Variants in FHOD3 observed in about 807,000 individuals in gnomAD.
The protein encoded by FHOD3 is FH1/FH2 domain-containing protein 3.
In FHOD3, 90 loss-of-function variants were observed where a neutral mutation model predicts 173.0. The observed-to-expected ratio is 0.52, with a 90% confidence interval of 0.44 to 0.62. The LOEUF (loss-of-function observed/expected upper bound fraction) is 0.62, where lower values mean the gene tolerates loss of function less well. Among genes scored for constraint, FHOD3 ranks in the 20% least tolerant of loss-of-function variants. FHOD3 has a pLI of 0.00. For missense variants in FHOD3, 1,945 were observed against 2,034.7 expected (o/e 0.96, Z 0.85); for synonymous variants, 828 against 823.0 (o/e 1.01, Z -0.10).
At chr18:36,688,171 A>G (rs1405626954) in intron 16 of FHOD3, among the ~76,000 whole-genome samples, 2 of 152,220 alleles carry the variant, frequency 1.3e-5, no homozygotes, top group African/African-American at 4.8e-5. Flanking sequence ...GCAAAAGACA[A>G]GTTTTCACCC....
intron 11 of FHOD3, among the ~76,000 whole-genome samples, chr18:36,651,121 TGAC>T (rs1315120558): frequency 6.6e-5 from 10 of 152,196 alleles, no homozygotes; most frequent in Admixed American, 6.5e-4. Context: ...TGCTTCCTGC[TGAC>T]TTCTGCTTAG....
chr18:36,713,610 A>T (rs1310935424), intron 18 of FHOD3, among the ~76,000 whole-genome samples: 1 of 152,238 alleles, frequency 6.6e-6, no homozygotes, highest in Non-Finnish European at 1.5e-5. Context: ...GGGAAATTAT[A>T]GTTTACAATA....
At chr18:36,658,413 C>T (rs137936406) in intron 14 of FHOD3, among the ~76,000 whole-genome samples, 4 of 152,332 alleles carry the variant, frequency 2.6e-5, no homozygotes, top group Non-Finnish European at 5.9e-5. Flanking sequence ...CATCCCCCTA[C>T]ACACTTTCCA....
intron 19 of FHOD3, 48 bp downstream of exon 19, chr18:36,718,763 T>C: frequency 1.3e-6 from 2 of 1,577,262 alleles, no homozygotes; most frequent in South Asian, 2.3e-5. Context: ...TGGGTAGGGC[T>C]GAAGAGATTC....
chr18:36,587,218 G>A (rs1448378739), intron 6 of FHOD3, among the ~76,000 whole-genome samples: 1 of 152,128 alleles, frequency 6.6e-6, no homozygotes, highest in Non-Finnish European at 1.5e-5. Flanking sequence ...TCTTCTCATT[G>A]TTGTCATGGT....
At chr18:36,392,685 C>T (rs576861519) in intron 3 of FHOD3, among the ~76,000 whole-genome samples, 32 of 152,316 alleles carry the variant, frequency 2.1e-4, no homozygotes, top group Middle Eastern at 3.4e-3. Flanking sequence ...CTCCTGCTTC[C>T]GCTTCGTCTG....
intron 3 of FHOD3, among the ~76,000 whole-genome samples, chr18:36,483,607 C>G (rs2054043389): frequency 6.6e-6 from 1 of 152,108 alleles, no homozygotes; most frequent in African/African-American, 2.4e-5. Context: ...AAACACATTA[C>G]CAAGTATTTT....
chr18:36,620,948 G>T (rs769096978), intron 9 of FHOD3, among the ~76,000 whole-genome samples: 6 of 152,132 alleles, frequency 3.9e-5, no homozygotes, highest in African/African-American at 1.4e-4. Context: ...ATTGCAGAGA[G>T]CTTGGTTAGC....
At chr18:36,462,111 G>C (rs1426561240) in intron 3 of FHOD3, among the ~76,000 whole-genome samples, 2 of 152,066 alleles carry the variant, frequency 1.3e-5, no homozygotes, top group Non-Finnish European at 1.5e-5. Flanking sequence ...TTTTAAAGTA[G>C]AAAGTGCTGA....
chr18:36,762,623 C>A (rs2150295941), intron 27 of FHOD3, among the ~76,000 whole-genome samples: 1 of 152,080 alleles, frequency 6.6e-6, no homozygotes, highest in South Asian at 2.1e-4. Context: ...CGGGTGAAAC[C>A]CTGTCTCTAC....
At chr18:36,697,138 A>T (rs369660424) in intron 17 of FHOD3, among the ~76,000 whole-genome samples, 7 of 152,230 alleles carry the variant, frequency 4.6e-5, no homozygotes, top group African/African-American at 1.7e-4. Flanking sequence ...AAGTAAAGTC[A>T]AGATAGCCAG....
At chr18:36,371,062 G>A (rs2047163012) in intron 2 of FHOD3, among the ~76,000 whole-genome samples, 1 of 152,190 alleles carries the variant, frequency 6.6e-6, no homozygotes, top group East Asian at 1.9e-4. Context: ...TGTAGACATC[G>A]TGTATTGGCT....
chr18:36,696,193 T>G lies in FHOD3; in HGVS notation c.2236+2770T>G, dbSNP rs556869900. ...GACCATCTTGGCACAGTGCTGGGAG[T>G]GTAATTAGTGTTCTGATGCCCATCT... On this transcript the variant is annotated intron_variant, in intron 17 of 28. Transcript: ENST00000590592. 3.9e-5 allele frequency among the ~76,000 whole-genome samples: 6 copies of G among 152,114 alleles called. No individual in the cohort carries two copies. The South Asian group carries it at 1.0e-3, about 26-fold the overall frequency.
chr18:36,603,779 C>T (rs2031722523), intron 8 of FHOD3, among the ~76,000 whole-genome samples: 1 of 152,224 alleles, frequency 6.6e-6, no homozygotes, highest in Non-Finnish European at 1.5e-5. Flanking sequence ...GCTGGGATTA[C>T]AGGCGTGAGC....
At chr18:36,508,398 C>T (rs1033269089) in intron 4 of FHOD3, among the ~76,000 whole-genome samples, 1 of 151,850 alleles carries the variant, frequency 6.6e-6, no homozygotes, top group Admixed American at 6.6e-5. Flanking sequence ...GATTCCAAGT[C>T]TGGAGTAGGA....
At chr18:36,601,183 A>G (rs950650598) in intron 7 of FHOD3, among the ~76,000 whole-genome samples, 3 of 152,212 alleles carry the variant, frequency 2.0e-5, no homozygotes, top group Non-Finnish European at 4.4e-5. Context: ...GAGAAAGAAC[A>G]TGTCTTTGTG....
chr18:36,735,692 A>G (rs1049708252), intron 20 of FHOD3, among the ~76,000 whole-genome samples: 5 of 152,108 alleles, frequency 3.3e-5, no homozygotes, highest in African/African-American at 4.8e-5. Flanking sequence ...ATAGAACACT[A>G]TTTTCTCATG....
intron 5 of FHOD3, among the ~76,000 whole-genome samples, chr18:36,552,380 C>T (rs2057693523): frequency 6.6e-6 from 1 of 152,158 alleles, no homozygotes; most frequent in Admixed American, 6.5e-5. Flanking sequence ...TGCTTATGAG[C>T]TTAAGGAGAT....
chr18:36,661,838 G>T (rs1360603585), intron 14 of FHOD3, among the ~76,000 whole-genome samples: 1 of 152,120 alleles, frequency 6.6e-6, no homozygotes, highest in African/African-American at 2.4e-5. Context: ...TGTTAATAGG[G>T]CTCTCTTTTA....
Sources: gnomAD v4.1 joint callset for allele counts (sites outside exome capture counted in the v4.1 genomes callset) on GRCh38, gnomAD v4.1.1 for gene constraint, MANE v1.5 for transcripts, NCBI Gene and HGNC (gene_info 2026-07-23, HGNC 2026-07-21) for gene names.